The following ZNF407 variants were observed in gnomAD, a reference collection of about 807,000 sequenced individuals.
ZNF407 encodes the protein zinc finger protein 407.
Under a neutral mutation model 131.2 loss-of-function variants are expected in ZNF407, and 17 were observed. The ratio of observed to expected loss-of-function variants is 0.13; its 90% confidence interval spans 0.09 to 0.19. The LOEUF is 0.19. ZNF407 is among the 10% of genes least tolerant of loss of function. ZNF407 has a pLI of 1.00. For synonymous variants in ZNF407, 1,156 were observed against 1,062.0 expected, an observed-to-expected ratio of 1.09 and a Z score of -1.72; for missense variants, 2,681 against 2,830.6, an observed-to-expected ratio of 0.95 and a Z score of 1.20.
chr18:74,671,592 A>T (rs559443355), intron 3 of ZNF407, among the ~76,000 whole-genome samples: 3 of 152,218 alleles, frequency 2.0e-5, no homozygotes, highest in African/African-American at 7.2e-5. Context: ...GCTTTCACTT[A>T]TAAGTGAGAA....
At chr18:74,848,095 A>G (rs1970727649) in intron 4 of ZNF407, among the ~76,000 whole-genome samples, 1 of 152,172 alleles carries the variant, frequency 6.6e-6, no homozygotes. Context: ...TTATAGCGTG[A>G]CAAACCTGAA....
chr18:75,055,628 A>G (rs1184002929), intron 8 of ZNF407, among the ~76,000 whole-genome samples: 1 of 152,222 alleles, frequency 6.6e-6, no homozygotes, highest in Non-Finnish European at 1.5e-5. Flanking sequence ...GGCCATGGAA[A>G]TATCTAGGCC....
rs1444315028 is a variant in ZNF407 at position 74,703,436 on chromosome 18, G to A, written c.4802+62314G>A. 2.0e-5 allele frequency among the ~76,000 whole-genome samples: 3 copies of A among 152,018 alleles called. No homozygotes were observed. Among genetic ancestry groups the A allele is most frequent in the East Asian group, 1.9e-4 (1 of 5,152 alleles). On this transcript the variant is annotated intron_variant, in intron 3 of 8. Transcript: ENST00000299687. The surrounding 1 kb of genome is among the most constrained non-coding windows in gnomAD (Gnocchi z 4.1). ...GGCTGGAGTGCAATGGTGCAATCTC[G>A]GCTCACCGCAACCTCCACCTTCTGG...
At chr18:74,866,305 A>G (rs190853020) in intron 4 of ZNF407, among the ~76,000 whole-genome samples, 19 of 152,326 alleles carry the variant, frequency 1.2e-4, no homozygotes, top group Non-Finnish European at 2.1e-4. Flanking sequence ...GAAAGGGTCA[A>G]TTTTGTACTG....
intron 1 of ZNF407, among the ~76,000 whole-genome samples, chr18:74,620,942 A>G (rs1489082080): frequency 2.6e-5 from 4 of 152,202 alleles, no homozygotes; most frequent in African/African-American, 9.7e-5. Flanking sequence ...CTGGCAAGGA[A>G]CACATGATCA....
intron 3 of ZNF407, among the ~76,000 whole-genome samples, chr18:74,643,688 C>A (rs1984828784): frequency 6.6e-6 from 1 of 151,874 alleles, no homozygotes; most frequent in Non-Finnish European, 1.5e-5. Flanking sequence ...GTATTGAGCT[C>A]AATATTAATG....
chr18:74,925,368 AT>A (rs1224133036), intron 8 of ZNF407, among the ~76,000 whole-genome samples: 3 of 152,160 alleles, frequency 2.0e-5, no homozygotes, highest in Admixed American at 6.5e-5. Flanking sequence ...GCCTCTTCCC[AT>A]TTATAAGAAT....
At chr18:74,948,038 C>T (rs774338418) in intron 8 of ZNF407, among the ~76,000 whole-genome samples, 31 of 152,250 alleles carry the variant, frequency 2.0e-4, no homozygotes, top group Admixed American at 7.2e-4. Context: ...TACTTGTCTC[C>T]GGGCCTTCAT....
intron 8 of ZNF407, 173 bp downstream of exon 8, chr18:74,920,865 A>T: frequency 7.9e-7 from 1 of 1,266,332 alleles, no homozygotes; most frequent in Non-Finnish European, 1.0e-6. Context: ...CTCAACTATG[A>T]AAACAGGACT....
At chr18:74,697,032 C>T (rs1194464384) in intron 3 of ZNF407, among the ~76,000 whole-genome samples, 1 of 152,180 alleles carries the variant, frequency 6.6e-6, no homozygotes, top group Non-Finnish European at 1.5e-5. Context: ...AATGATAAGG[C>T]ATAACACTGT....
At chr18:74,601,503 T>C (rs1376610144) in intron 1 of ZNF407, among the ~76,000 whole-genome samples, 1 of 152,046 alleles carries the variant, frequency 6.6e-6, no homozygotes, top group Admixed American at 6.6e-5. Flanking sequence ...CTGGGTAATA[T>C]ACAAAGAAAA....
chr18:74,733,348 CAGA>C (rs1187420372), intron 3 of ZNF407, among the ~76,000 whole-genome samples: 26 of 151,916 alleles, frequency 1.7e-4, no homozygotes, highest in Non-Finnish European at 2.4e-4. Flanking sequence ...TATATATGAC[CAGA>C]AGCTCAATAT....
At chr18:74,600,656 G>C (rs1290450609) in intron 1 of ZNF407, among the ~76,000 whole-genome samples, 1 of 152,144 alleles carries the variant, frequency 6.6e-6, no homozygotes, top group African/African-American at 2.4e-5. Context: ...AGGGAATGGC[G>C]ACCAGAGAAT....
chr18:74,895,450 G>A (rs1362575730), intron 7 of ZNF407, among the ~76,000 whole-genome samples: 1 of 151,852 alleles, frequency 6.6e-6, no homozygotes, highest in African/African-American at 2.4e-5. Flanking sequence ...TATATGTATC[G>A]ACATCCTTGA....
At chr18:74,933,618 T>TC (rs1972007825) in intron 8 of ZNF407, among the ~76,000 whole-genome samples, 1 of 152,218 alleles carries the variant, frequency 6.6e-6, no homozygotes, top group Non-Finnish European at 1.5e-5. Flanking sequence ...CCCTATTTTT[T>TC]CTGTCTTCCA....
At chr18:75,053,087 A>G (rs1031802482) in intron 8 of ZNF407, among the ~76,000 whole-genome samples, 5 of 152,178 alleles carry the variant, frequency 3.3e-5, no homozygotes, top group African/African-American at 1.2e-4. Flanking sequence ...CCCATGACAC[A>G]TGATTACCTT....
chr18:74,838,060 A>G (rs953036488), intron 4 of ZNF407, among the ~76,000 whole-genome samples: 2 of 152,106 alleles, frequency 1.3e-5, no homozygotes, highest in Admixed American at 1.3e-4. Flanking sequence ...TCTTTCTTCA[A>G]TTGATTACTC....
intron 3 of ZNF407, among the ~76,000 whole-genome samples, chr18:74,762,148 TTTCG>T (rs1247853368): frequency 1.3e-5 from 2 of 152,040 alleles, no homozygotes; most frequent in Non-Finnish European, 2.9e-5. Flanking sequence ...CTGTTTATCC[TTTCG>T]TAGTACCATA....
Position 74,631,141 on chromosome 18 carries a change from C to A in ZNF407, c.122C>A (p.Ala41Glu). Residue 41 changes from alanine to glutamate, a missense_variant, in exon 2 of 9, where the codon GCA becomes GAA. Around this residue, in one of 6 missense-constraint regions of ZNF407, gnomAD observed 1,789 missense variants for 1,748.7 expected, o/e 1.02. Transcript: ENST00000299687. ...EDGGPVSDVI[A>E]SFPENSMGKR... Reference sequence around the variant, plus strand: ...GGTGGGCCTGTATCTGATGTGATAGCAAGTTTCCCTGAGAATTCTATGGGC... The same window carrying A: ...GGTGGGCCTGTATCTGATGTGATAGAAAGTTTCCCTGAGAATTCTATGGGC... 6.2e-7 allele frequency: 1 copy of A among 1,613,936 alleles called. No individual in the cohort carries two copies. Among genetic ancestry groups the A allele is most frequent in the Non-Finnish European group, 8.5e-7 (1 of 1,179,882 alleles).
Sources: allele counts gnomAD v4.1 joint callset (sites outside exome capture counted in the v4.1 genomes callset), GRCh38; gene constraint gnomAD v4.1.1; regional missense constraint gnomAD v4.1.1; non-coding constraint Gnocchi (gnomAD v3.1); transcripts MANE v1.5; gene names NCBI Gene and HGNC (gene_info 2026-07-23, HGNC 2026-07-21).